NRCAM: variants seen among roughly 807,000 people sequenced by gnomAD.
NRCAM encodes the protein neuronal cell adhesion molecule, also known as NgCAM-related cell adhesion molecule.
Under a neutral mutation model 156.5 loss-of-function variants are expected in NRCAM, and 83 were observed. The ratio of observed to expected loss-of-function variants is 0.53; its 90% confidence interval spans 0.44 to 0.64. NRCAM has a LOEUF of 0.64. Ranked by LOEUF, NRCAM falls within the 30% of genes least tolerant of loss-of-function variation. The pLI is 0.00. For missense variants in NRCAM, 1,417 were observed against 1,597.3 expected (o/e 0.89, Z 1.92); for synonymous variants, 538 against 563.9 (o/e 0.95, Z 0.65).
At chr7:108,233,412 G>A (rs1296705441) in intron 6 of NRCAM, among the ~76,000 whole-genome samples, 2 of 152,158 alleles carry the variant, frequency 1.3e-5, no homozygotes, top group African/African-American at 2.4e-5. Flanking sequence ...CAGGGGCCAC[G>A]GATGCTGCCA....
chr7:108,176,506 CTT>C lies in NRCAM; in HGVS notation c.3073_3074del (p.Lys1025ValfsTer25). 1 of 1,613,640 alleles carries C rather than the reference CTT, an allele frequency of 6.2e-7. No homozygotes were observed. Among genetic ancestry groups the C allele is most frequent in the Non-Finnish European group, 8.5e-7 (1 of 1,179,802 alleles). ...LKNLNFSTRY[K>X]FYFYAQTSAG... ...CTGATGTTTGTGCATAGAAATAAAA[CTT>C]ATATCGAGTGCTGAAATTTAAATTT... On this transcript the variant is annotated frameshift_variant, in exon 27 of 33. Coordinates refer to ENST00000379028, the MANE Select transcript of NRCAM (RefSeq NM_001037132.4). LOFTEE classifies it high-confidence loss of function.
intron 2 of NRCAM, among the ~76,000 whole-genome samples, chr7:108,389,422 C>T (rs543550402): frequency 5.3e-5 from 8 of 152,290 alleles, no homozygotes; most frequent in Non-Finnish European, 1.0e-4. Flanking sequence ...TGAGAGTTTG[C>T]TGAAGTTGCT....
In NRCAM at chr7:108,239,924, C is replaced by T. The variant is rs546622855; in HGVS notation, c.106+35G>A. ...TGATAAATGCTGGGAGGCTTTGACT[C>T]CTGGGCCTAACAGCTTTAAAACGTT... On this transcript the variant is annotated intron_variant, in intron 4 of 32. Transcript: ENST00000379028. 51 of 1,372,014 alleles carry T rather than the reference C, an allele frequency of 3.7e-5. 1 individual carries two copies. The South Asian group carries it at 5.9e-4, about 16-fold the overall frequency. The allele number at this position is 1,372,014 out of a possible 1,614,324, so 85.0% of individuals were successfully genotyped here. A position where few individuals can be genotyped will look rare whatever the true frequency, so the allele number is the denominator to read the frequency against.
intron 3 of NRCAM, among the ~76,000 whole-genome samples, chr7:108,254,011 T>C (rs2096504764): frequency 6.6e-6 from 1 of 152,236 alleles, no homozygotes; most frequent in South Asian, 2.1e-4. Context: ...TTGTTAATTA[T>C]TGTTCTAAAG....
At chr7:108,157,044 T>C (rs886541049) in intron 32 of NRCAM, among the ~76,000 whole-genome samples, 10 of 152,096 alleles carry the variant, frequency 6.6e-5, no homozygotes, top group African/African-American at 2.2e-4. Context: ...GGTTGGAATT[T>C]TGGGGAAGTG....
intron 3 of NRCAM, among the ~76,000 whole-genome samples, chr7:108,249,254 G>A (rs894834728): frequency 6.6e-5 from 10 of 152,166 alleles, no homozygotes; most frequent in Non-Finnish European, 1.3e-4. Context: ...ATGAGAAATA[G>A]AGATGGACAT....
chr7:108,171,588 A>G (rs2058441499), intron 28 of NRCAM, among the ~76,000 whole-genome samples: 1 of 152,150 alleles, frequency 6.6e-6, no homozygotes. Context: ...GCCCAGTTCA[A>G]TATTATTTTC....
intron 1 of NRCAM, among the ~76,000 whole-genome samples, chr7:108,442,800 T>G (rs992715045): frequency 1.3e-5 from 2 of 152,230 alleles, no homozygotes; most frequent in African/African-American, 4.8e-5. Context: ...GATATTCAGA[T>G]ACAAACTATC....
At chr7:108,272,657 A>C (rs1379600400) in intron 3 of NRCAM, among the ~76,000 whole-genome samples, 1 of 151,976 alleles carries the variant, frequency 6.6e-6, no homozygotes, top group African/African-American at 2.4e-5. Context: ...TGATTTTAAA[A>C]AGGTAACATA....
intron 1 of NRCAM, among the ~76,000 whole-genome samples, chr7:108,400,869 G>C (rs1463603034): frequency 1.3e-5 from 2 of 152,040 alleles, no homozygotes; most frequent in Admixed American, 1.3e-4. Context: ...GGATGGGCTG[G>C]GTATGATCCA....
At chr7:108,217,510 T>C (rs781138442) in intron 11 of NRCAM, among the ~76,000 whole-genome samples, 6 of 152,228 alleles carry the variant, frequency 3.9e-5, no homozygotes, top group Non-Finnish European at 8.8e-5. Flanking sequence ...CTGCTGAAGC[T>C]GCGCCCACAG....
At chr7:108,432,615 C>T (rs1314220187) in intron 1 of NRCAM, among the ~76,000 whole-genome samples, 2 of 152,328 alleles carry the variant, frequency 1.3e-5, no homozygotes, top group African/African-American at 4.8e-5. Context: ...AGCAGAAAAA[C>T]TGGAGTCTTG....
At chr7:108,379,994 T>C (rs774358686) in intron 2 of NRCAM, among the ~76,000 whole-genome samples, 18 of 152,198 alleles carry the variant, frequency 1.2e-4, no homozygotes, top group Non-Finnish European at 2.4e-4. Flanking sequence ...TTCACTGATG[T>C]AGGAACCACA....
At chr7:108,367,948 G>A (rs1190968191) in intron 2 of NRCAM, among the ~76,000 whole-genome samples, 1 of 152,128 alleles carries the variant, frequency 6.6e-6, no homozygotes, top group East Asian at 1.9e-4. Context: ...GTATGGTACA[G>A]GTTAAGTTTT....
At chr7:108,167,139 C>T in intron 29 of NRCAM, 66 bp from the exon 30 acceptor site, 2 of 1,246,118 alleles carry the variant, frequency 1.6e-6, no homozygotes, top group Non-Finnish European at 2.3e-6. Context: ...CTTAATGCTT[C>T]AAGAAAGGAA....
intron 2 of NRCAM, among the ~76,000 whole-genome samples, chr7:108,317,687 A>G (rs10247694): frequency 0.23 from 34,693 of 151,966 alleles, 4,278 homozygotes; most frequent in African/African-American, 0.28. Context: ...AGGCAGGTGC[A>G]TCACTTGAGG....
At chr7:108,251,007 C>T (rs565307109) in intron 3 of NRCAM, among the ~76,000 whole-genome samples, 7 of 152,094 alleles carry the variant, frequency 4.6e-5, no homozygotes. Context: ...AAGTATCTAG[C>T]CTCCTAGAAG....
chr7:108,389,030 T>C (rs1419989049), intron 2 of NRCAM, among the ~76,000 whole-genome samples: 2 of 152,208 alleles, frequency 1.3e-5, no homozygotes, highest in East Asian at 1.9e-4. Context: ...TAGGTTTTTC[T>C]TGGCAATGTG....
intron 2 of NRCAM, among the ~76,000 whole-genome samples, chr7:108,334,667 C>T (rs185036015): frequency 1.3e-5 from 2 of 152,280 alleles, no homozygotes; most frequent in African/African-American, 2.4e-5. Flanking sequence ...CACAGTCCCA[C>T]CTGAGATGAG....
Sources: allele counts gnomAD v4.1 joint callset (sites outside exome capture counted in the v4.1 genomes callset), GRCh38; gene constraint gnomAD v4.1.1; transcripts MANE v1.5; gene names NCBI Gene and HGNC (gene_info 2026-07-23, HGNC 2026-07-21).